Variants in DBX2 observed in about 807,000 individuals in gnomAD.
The protein encoded by DBX2 is homeobox protein DBX2.
Under a neutral mutation model 17.7 loss-of-function variants are expected in DBX2, and 16 were observed. That is an observed-to-expected ratio of 0.90 (90% CI 0.61 to 1.37). DBX2 has a LOEUF of 1.37. Ranked by LOEUF, DBX2 falls within the 40% of genes most tolerant of loss-of-function variation. The probability of loss-of-function intolerance (pLI) is 0.00; values close to 1 mark genes in which losing one functional copy is unlikely to be tolerated. For missense variants in DBX2, 538 were observed against 433.8 expected (o/e 1.24, Z -2.13); for synonymous variants, 255 against 183.8 (o/e 1.39, Z -3.13).
chr12:45,037,996 G>A (rs1011133558), intron 1 of DBX2, among the ~76,000 whole-genome samples: 1 of 151,804 alleles, frequency 6.6e-6, no homozygotes. Context: ...TTTTTTTGAA[G>A]TTTCATTGTT....
At chr12:45,039,823 T>C (rs567034153) in intron 1 of DBX2, among the ~76,000 whole-genome samples, 1 of 152,134 alleles carries the variant, frequency 6.6e-6, no homozygotes, top group African/African-American at 2.4e-5. Flanking sequence ...CTGCCAGCTA[T>C]TCAGTAAGAG....
chr12:45,048,494 T>G (rs1202518406), intron 1 of DBX2, among the ~76,000 whole-genome samples: 1 of 152,152 alleles, frequency 6.6e-6, no homozygotes, highest in Non-Finnish European at 1.5e-5. Context: ...TAGAAAAAAT[T>G]GTTGGCAGTC....
chr12:45,024,850 A>C (rs562853751), intron 2 of DBX2, among the ~76,000 whole-genome samples: 1 of 152,326 alleles, frequency 6.6e-6, no homozygotes, highest in South Asian at 2.1e-4. Flanking sequence ...ATCTGAGAAG[A>C]GAAGAGAGAA....
In DBX2 at chr12:45,016,392, T is replaced by C. The variant is rs747431906; in HGVS notation, c.914A>G (p.Glu305Gly). 3.7e-6 allele frequency: 6 copies of C among 1,614,016 alleles called. No homozygotes were observed. The highest frequency in any genetic ancestry group is 4.2e-6 in the Non-Finnish European group (5 of 1,179,960). Reference sequence around the variant, plus strand: ...TTCTGGGGGTGGTGCCCCTGAACTCTCCTGGATTAGTCTTTCTGAAGGTTC... The same window carrying C: ...TTCTGGGGGTGGTGCCCCTGAACTCCCCTGGATTAGTCTTTCTGAAGGTTC... Reference protein sequence around the residue: ...SPEPSERLIQESSGAPPPEAN... With the variant: ...SPEPSERLIQGSSGAPPPEAN... The change falls in exon 4 of 4, where the codon GAG becomes GGG. Residue 305 changes from glutamate (E) to glycine (G), a missense_variant. Physicochemically the swap from Glu to Gly is moderately conservative, Grantham distance 98. Transcript: ENST00000332700.
intron 2 of DBX2, among the ~76,000 whole-genome samples, chr12:45,025,308 A>C (rs1946375686): frequency 6.6e-6 from 1 of 152,150 alleles, no homozygotes; most frequent in East Asian, 1.9e-4. Context: ...AAGAGGCCAG[A>C]AGCCAAGGAA....
At chr12:45,016,914 G>C (rs1592749226) in intron 3 of DBX2, among the ~76,000 whole-genome samples, 1 of 152,062 alleles carries the variant, frequency 6.6e-6, no homozygotes, top group South Asian at 2.1e-4. Context: ...TTCCTGAGTA[G>C]CTAGGATGAC....
intron 3 of DBX2, among the ~76,000 whole-genome samples, chr12:45,017,043 C>T (rs1946328133): frequency 6.6e-6 from 1 of 152,064 alleles, no homozygotes; most frequent in African/African-American, 2.4e-5. Flanking sequence ...GCCTTGGCCC[C>T]CAAAAGTGCT....
intron 1 of DBX2, among the ~76,000 whole-genome samples, chr12:45,043,372 C>T (rs1270344631): frequency 3.3e-5 from 5 of 152,172 alleles, no homozygotes; most frequent in Non-Finnish European, 7.4e-5. Flanking sequence ...TAAGAAACTG[C>T]AAGGCTTCAT....
chr12:45,045,439 G>A (rs776605030), intron 1 of DBX2, among the ~76,000 whole-genome samples: 4 of 152,164 alleles, frequency 2.6e-5, no homozygotes, highest in African/African-American at 4.8e-5. Flanking sequence ...AATCTCAAAG[G>A]ATTTTATGAA....
intron 1 of DBX2, among the ~76,000 whole-genome samples, chr12:45,046,682 G>C (rs1215923851): frequency 6.6e-6 from 1 of 152,134 alleles, no homozygotes; most frequent in Non-Finnish European, 1.5e-5. Context: ...ACTACCGTTT[G>C]CAGCACCAGA....
Position 45,050,951 on chromosome 12 carries a change from G to C in DBX2, c.-24C>G, listed in dbSNP as rs1946530525. On this transcript the variant is annotated 5_prime_UTR_variant, in exon 1 of 4. Coordinates refer to ENST00000332700, the MANE Select transcript of DBX2 (RefSeq NM_001004329.3). ...ATAGTGCGGCGCCAACCGGTCTGCT[G>C]CGCGCCCGCCTTGCGCCCGCCTGTC... 7.1e-7 allele frequency: 1 copy of C among 1,405,470 alleles called. No homozygotes were observed. 87.1% of individuals were successfully genotyped at this position (1,405,470 alleles called of 1,614,324 possible).
In DBX2 at chr12:45,016,512, A is replaced by AG. The variant is rs533894213; in HGVS notation, c.793dup (p.Leu265ProfsTer62). ...AGGGAAACCCAGAGCAGACCGTGAG[A>AG]GGGGATCCTCTTGAAGACCTACTTC... is the stretch of plus-strand genomic sequence containing the variant. On this transcript the variant is annotated frameshift_variant, in exon 4 of 4. Coordinates refer to ENST00000332700, the MANE Select transcript of DBX2 (RefSeq NM_001004329.3). LOFTEE classifies it low-confidence loss of function (END_TRUNC). The AG allele has an allele frequency of 7.9e-5, 128 of 1,613,218 alleles. No homozygotes were observed. Among genetic ancestry groups the AG allele is most frequent in the Non-Finnish European group, 1.1e-4 (125 of 1,179,716 alleles).
intron 1 of DBX2, among the ~76,000 whole-genome samples, chr12:45,039,100 T>C: frequency 6.6e-6 from 1 of 151,326 alleles, no homozygotes; most frequent in East Asian, 1.9e-4. Flanking sequence ...TATACATAAA[T>C]ACATCTTGTT....
rs573687771 is a variant in DBX2, at chr12:45,015,434, T to G, written c.*852A>C. 6.6e-6 allele frequency: 1 copy of G among 152,342 alleles called. No individual in the cohort carries two copies. Among genetic ancestry groups the G allele is most frequent in the East Asian group, 1.9e-4 (1 of 5,188 alleles). 9.4% of individuals were successfully genotyped at this position (152,342 alleles called of 1,614,324 possible). On this transcript the variant is annotated 3_prime_UTR_variant, in exon 4 of 4. Coordinates refer to ENST00000332700, the MANE Select transcript of DBX2 (RefSeq NM_001004329.3). ...TAGACATTTTGTTTGGCCAATACAG[T>G]ATTTGAAAAATTACTTGACTCAAAT...
At chr12:45,032,823 ATC>A (rs1349851233) in intron 2 of DBX2, among the ~76,000 whole-genome samples, 2 of 152,228 alleles carry the variant, frequency 1.3e-5, no homozygotes, top group Non-Finnish European at 2.9e-5. Context: ...CAAAATAATT[ATC>A]TGATTAATTC....
At chr12:45,030,779 C>T (rs1946405158) in intron 2 of DBX2, among the ~76,000 whole-genome samples, 2 of 152,216 alleles carry the variant, frequency 1.3e-5, no homozygotes, top group East Asian at 1.9e-4. Context: ...TGAAGCACCA[C>T]TGAATCTAAA....
chr12:45,041,060 A>G (rs1946468487), intron 1 of DBX2, among the ~76,000 whole-genome samples: 1 of 149,652 alleles, frequency 6.7e-6, no homozygotes, highest in Admixed American at 6.7e-5. Flanking sequence ...AAAAAAAAAA[A>G]AACCTCTAGG....
At chr12:45,032,498 C>A (rs1279986726) in intron 2 of DBX2, among the ~76,000 whole-genome samples, 1 of 152,162 alleles carries the variant, frequency 6.6e-6, no homozygotes, top group Non-Finnish European at 1.5e-5. Context: ...CATTCCCCAT[C>A]TTTGACCATG....
intron 1 of DBX2, among the ~76,000 whole-genome samples, chr12:45,044,891 A>T (rs1391961522): frequency 6.6e-6 from 1 of 152,186 alleles, no homozygotes; most frequent in East Asian, 1.9e-4. Context: ...TGCCAAGTTA[A>T]GTATTGACTG....
Sources: allele counts gnomAD v4.1 joint callset (sites outside exome capture counted in the v4.1 genomes callset), GRCh38; gene constraint gnomAD v4.1.1; transcripts MANE v1.5; gene names NCBI Gene and HGNC (gene_info 2026-07-23, HGNC 2026-07-21).